DOCK10: variants seen among roughly 807,000 people sequenced by gnomAD.
DOCK10 encodes the protein dedicator of cytokinesis 10.
DOCK10 carries 145 observed loss-of-function variants against 280.1 expected under a neutral mutation model. The observed-to-expected ratio is 0.52, with a 90% CI of 0.45 to 0.59. The LOEUF (loss-of-function observed/expected upper bound fraction) is 0.59. Ranked by LOEUF, DOCK10 falls within the 20% of genes least tolerant of loss-of-function variation. The pLI, the probability that DOCK10 is intolerant of heterozygous loss-of-function variation, is 0.00. For synonymous variants in DOCK10, 915 were observed against 942.2 expected (o/e 0.97, Z 0.53); for missense variants, 2,368 against 2,651.7 (o/e 0.89, Z 2.35).
chr2:224,921,134 T>TA (rs1553613984), intron 2 of DOCK10, among the ~76,000 whole-genome samples: 2 of 109,202 alleles, frequency 1.8e-5, no homozygotes, highest in Admixed American at 9.2e-5. Flanking sequence ...TATATATATA[T>TA]AATGTATATA....
chr2:224,929,441 G>A (rs1388550942), intron 2 of DOCK10, among the ~76,000 whole-genome samples: 1 of 152,160 alleles, frequency 6.6e-6, no homozygotes, highest in Non-Finnish European at 1.5e-5. Context: ...TACCCCAGTT[G>A]GGAATGAGGG....
Position 224,853,142 on chromosome 2 carries a change from A to T in DOCK10, c.1889-20T>A, listed in dbSNP as rs749677350. The T allele has an allele frequency of 1.3e-6, 2 of 1,542,322 alleles. No individual in the cohort carries two copies. The highest frequency in any genetic ancestry group is 1.8e-6 in the Non-Finnish European group (2 of 1,140,692). On this transcript the variant is annotated intron_variant, in intron 16 of 55. Transcript: ENST00000258390. ...CACAATCTTAAAAAATCAGAAAATA[A>T]GAGTTTGTCATTTAATATGGTTCTT...
At chr2:224,910,913 TG>T (rs1197794424) in intron 3 of DOCK10, among the ~76,000 whole-genome samples, 1 of 152,044 alleles carries the variant, frequency 6.6e-6, no homozygotes, top group Non-Finnish European at 1.5e-5. Context: ...TCAGTACTAG[TG>T]ACACAGAAAA....
chr2:224,858,095 C>T (rs890919986), intron 14 of DOCK10, among the ~76,000 whole-genome samples: 75 of 152,156 alleles, frequency 4.9e-4, no homozygotes, highest in African/African-American at 1.8e-3. Flanking sequence ...TTATAAAGGG[C>T]GTTTGTTTCA....
At chr2:224,795,991 G>A (rs1692542320) in intron 44 of DOCK10, among the ~76,000 whole-genome samples, 1 of 151,774 alleles carries the variant, frequency 6.6e-6, no homozygotes, top group South Asian at 2.1e-4. Flanking sequence ...CAATAAACTT[G>A]ATAGTTTACT....
chr2:224,985,362 ATATAT>A (rs1193585748), intron 1 of DOCK10, among the ~76,000 whole-genome samples: 2 of 151,418 alleles, frequency 1.3e-5, no homozygotes, highest in Non-Finnish European at 2.9e-5. Context: ...GTCATTAATT[ATATAT>A]TATATTATAT....
intron 1 of DOCK10, among the ~76,000 whole-genome samples, chr2:224,989,552 A>G (rs890755779): frequency 3.0e-4 from 46 of 152,282 alleles, no homozygotes; most frequent in African/African-American, 1.0e-3. Flanking sequence ...CCTTAGATTG[A>G]AAGTGGCAGG....
rs777406777 is a variant in DOCK10, at chr2:224,886,158, C to G, written c.517G>C (p.Gly173Arg). The G allele has an allele frequency of 1.1e-5, 18 of 1,613,742 alleles. No individual in the cohort carries two copies. The East Asian group carries it at 1.3e-4, about 12-fold the overall frequency. The change falls in exon 6 of 56, where the codon GGG becomes CGG. Residue 173 changes from glycine (G) to arginine (R), a missense_variant. Physicochemically the swap from Gly to Arg is moderately radical, Grantham distance 125 (BLOSUM62 -2). Transcript: ENST00000258390. ...EDTTSHSSSK[G>R]GGGAGGTGVF... ...CCAGTTCCTCCCGCTCCTCCACCCC[C>G]CTTGGAAGACGAGTGGGAAGTGGTA...
At chr2:224,937,374 GT>G (rs35622513) in intron 1 of DOCK10, among the ~76,000 whole-genome samples, 48,493 of 152,020 alleles carry the variant, frequency 0.32, 7,958 homozygotes, top group Middle Eastern at 0.36. Flanking sequence ...ATGTAGATTT[GT>G]TTTTATTTGA....
chr2:225,029,564 TAAC>T (rs894033889), intron 1 of DOCK10, among the ~76,000 whole-genome samples: 24 of 152,160 alleles, frequency 1.6e-4, no homozygotes, highest in African/African-American at 5.6e-4. Flanking sequence ...CTTTTTTAAT[TAAC>T]AATATATATT....
At chr2:224,873,594 C>CAAAAAAAAAAAAAAAAAAAA in intron 11 of DOCK10, among the ~76,000 whole-genome samples, 1 of 33,656 alleles carries the variant, frequency 3.0e-5, no homozygotes, top group Non-Finnish European at 5.6e-5. Flanking sequence ...AAGACCATCT[C>CAAAAAAAAAAAAAAAAAAAA]AAAAAAAAAA....
chr2:225,011,829 C>T (rs1221059613), intron 1 of DOCK10, among the ~76,000 whole-genome samples: 1 of 152,136 alleles, frequency 6.6e-6, no homozygotes, highest in Non-Finnish European at 1.5e-5. Context: ...CCCTTAGCTA[C>T]AGCGTAAGCC....
intron 7 of DOCK10, among the ~76,000 whole-genome samples, chr2:224,881,699 T>C (rs1309318752): frequency 2.6e-5 from 4 of 152,198 alleles, no homozygotes; most frequent in African/African-American, 9.7e-5. Context: ...AAATAATATA[T>C]TAGATGAAGA....
At chr2:224,795,273 G>T in intron 44 of DOCK10, 179 bp from the exon 45 acceptor site, 1 of 608,580 alleles carries the variant, frequency 1.6e-6, no homozygotes, top group Non-Finnish European at 2.9e-6. Context: ...ACACACATTT[G>T]AAGATAAACA....
At chr2:224,907,376 C>T (rs180705794) in intron 3 of DOCK10, among the ~76,000 whole-genome samples, 99 of 152,156 alleles carry the variant, frequency 6.5e-4, no homozygotes, top group Non-Finnish European at 8.5e-4. Context: ...TAGACATTTT[C>T]GATGCTAACA....
At chr2:225,014,081 A>ACATATATATATATAT in intron 1 of DOCK10, among the ~76,000 whole-genome samples, 1 of 96,800 alleles carries the variant, frequency 1.0e-5, no homozygotes, top group African/African-American at 4.7e-5. Context: ...GTCTGAATAT[A>ACATATATATATATAT]TTGTTTTTTT....
chr2:224,956,763 G>A (rs1704068852), intron 1 of DOCK10, among the ~76,000 whole-genome samples: 1 of 151,830 alleles, frequency 6.6e-6, no homozygotes, highest in African/African-American at 2.4e-5. Context: ...ATATAATAGT[G>A]CCCTCTGTGG....
chr2:225,033,103 G>A (rs1220794890), intron 1 of DOCK10, among the ~76,000 whole-genome samples: 3 of 152,142 alleles, frequency 2.0e-5, no homozygotes, highest in East Asian at 1.9e-4. Flanking sequence ...ATGTCTCAGA[G>A]GAGGTATGCT....
chr2:225,030,268 C>A (rs1300103825), intron 1 of DOCK10, among the ~76,000 whole-genome samples: 3 of 152,038 alleles, frequency 2.0e-5, no homozygotes, highest in Non-Finnish European at 4.4e-5. Flanking sequence ...AAAGCCGTGT[C>A]ATGAAAACTC....
Sources: allele counts gnomAD v4.1 joint callset (sites outside exome capture counted in the v4.1 genomes callset), GRCh38; gene constraint gnomAD v4.1.1; transcripts MANE v1.5; gene names NCBI Gene and HGNC (gene_info 2026-07-23, HGNC 2026-07-21).